MSRA: variants seen among roughly 807,000 people sequenced by gnomAD.
MSRA encodes the protein methionine sulfoxide reductase A.
In MSRA, 54 loss-of-function variants were observed where a neutral mutation model predicts 31.3. That is an observed-to-expected ratio of 1.73 (90% confidence interval 1.39 to 2.17). The LOEUF (loss-of-function observed/expected upper bound fraction) is 2.17. MSRA is among the 30% of genes most tolerant of loss of function. The pLI, the probability that MSRA is intolerant of heterozygous loss-of-function variation, is 0.00. For synonymous variants in MSRA, 169 were observed against 116.5 expected (o/e 1.45, Z -2.90); for missense variants, 507 against 300.9 (o/e 1.69, Z -5.07).
At chr8:10,287,184 G>A (rs1273278330) in intron 3 of MSRA, among the ~76,000 whole-genome samples, 1 of 152,138 alleles carries the variant, frequency 6.6e-6, no homozygotes, top group South Asian at 2.1e-4. Flanking sequence ...GCATCTATAC[G>A]AAGTCATTGG....
intron 3 of MSRA, among the ~76,000 whole-genome samples, chr8:10,283,818 TATATATATATATATATATACACACAC>T (rs1380998194): frequency 2.9e-5 from 2 of 67,818 alleles, no homozygotes; most frequent in African/African-American, 5.3e-5. Context: ...TATATATATA[TATATATATATATATATATACACACAC>T]ACACACACAC....
intron 1 of MSRA, among the ~76,000 whole-genome samples, chr8:10,118,511 A>C (rs936749): frequency 6.6e-6 from 1 of 151,666 alleles, no homozygotes; most frequent in African/African-American, 2.4e-5. Flanking sequence ...GGGGCTCTCT[A>C]TTTCCCCCAC....
At chr8:10,320,940 T>G (rs1271188189) in intron 5 of MSRA, among the ~76,000 whole-genome samples, 1 of 152,196 alleles carries the variant, frequency 6.6e-6, no homozygotes, top group African/African-American at 2.4e-5. Context: ...CTTAATTACC[T>G]CTGTAAAGAC....
intron 4 of MSRA, among the ~76,000 whole-genome samples, chr8:10,302,049 A>G (rs904659092): frequency 6.6e-6 from 1 of 152,198 alleles, no homozygotes; most frequent in Non-Finnish European, 1.5e-5. Context: ...TTTTGACGTT[A>G]TCAGGTTGGA....
At chr8:10,348,357 CTTTTTTTTTTTTTT>C (rs34083972) in intron 5 of MSRA, among the ~76,000 whole-genome samples, 5 of 64,242 alleles carry the variant, frequency 7.8e-5, no homozygotes, top group Admixed American at 5.1e-4. Flanking sequence ...AAATTATTGC[CTTTTTTTTTTTTTT>C]TTTTTTTTTT....
At chr8:10,131,969 A>G (rs1000070928) in intron 1 of MSRA, among the ~76,000 whole-genome samples, 3 of 152,242 alleles carry the variant, frequency 2.0e-5, no homozygotes, top group Non-Finnish European at 4.4e-5. Context: ...AATGATGTTT[A>G]TAAGCCTTTT....
chr8:10,207,280 C>G lies in MSRA; in HGVS notation c.143-553C>G, dbSNP rs7844551. Among the ~76,000 whole-genome samples the G allele has an allele frequency of 5.3e-5, 8 of 152,120 alleles. No homozygotes were observed. The South Asian group carries it at 6.2e-4, about 12-fold the overall frequency. ...AGCTGTAGGAGGCACTGGAATATCT[C>G]TCTGGCTCTTAAGGAGGCTGGTGTC... is the stretch of plus-strand genomic sequence containing the variant. On this transcript the variant is annotated intron_variant, in intron 1 of 5. Transcript: ENST00000317173.
intron 3 of MSRA, chr8:10,250,766 C>CCTG: frequency 2.8e-6 from 1 of 357,880 alleles, no homozygotes. Flanking sequence ...GTGTCCTGTC[C>CCTG]TGAGCCCGTT....
At chr8:10,243,085 GC>G (rs1017037370) in intron 2 of MSRA, among the ~76,000 whole-genome samples, 2 of 152,138 alleles carry the variant, frequency 1.3e-5, no homozygotes, top group African/African-American at 4.8e-5. Flanking sequence ...AAAACCTGGG[GC>G]TATTGGAGTG....
chr8:10,226,024 T>C (rs1810970176), intron 2 of MSRA, among the ~76,000 whole-genome samples: 1 of 152,186 alleles, frequency 6.6e-6, no homozygotes, highest in Non-Finnish European at 1.5e-5. Context: ...GGGGAAGAGC[T>C]CATGATGCTA....
chr8:10,268,690 G>C (rs1798872486), intron 3 of MSRA, among the ~76,000 whole-genome samples: 1 of 152,214 alleles, frequency 6.6e-6, no homozygotes, highest in African/African-American at 2.4e-5. Context: ...AGGGGAACGA[G>C]TTCTTTCCCC....
chr8:10,090,576 C>A (rs1798803471), intron 1 of MSRA, among the ~76,000 whole-genome samples: 1 of 152,174 alleles, frequency 6.6e-6, no homozygotes, highest in Non-Finnish European at 1.5e-5. Flanking sequence ...TTATTATGTA[C>A]AATCCAGTGG....
chr8:10,267,486 C>A lies in MSRA; in HGVS notation c.331+22263C>A, dbSNP rs1442294132. On this transcript the variant is annotated intron_variant, in intron 3 of 5. Coordinates refer to ENST00000317173, the MANE Select transcript of MSRA (RefSeq NM_012331.5). ...CCAGGAGTAGGAGTCCTTAGCACCA[C>A]TGCATTGACTGTGGTATATGGCTCA... Among the ~76,000 whole-genome samples, 3 of 152,120 alleles carry A rather than the reference C, an allele frequency of 2.0e-5. No homozygotes were observed. The East Asian group carries it at 5.8e-4, about 29-fold the overall frequency.
At chr8:10,136,244 A>G (rs920743933) in intron 1 of MSRA, among the ~76,000 whole-genome samples, 3 of 152,218 alleles carry the variant, frequency 2.0e-5, no homozygotes, top group Non-Finnish European at 4.4e-5. Context: ...GGAGCCAGGC[A>G]TTCAGCCACA....
At chr8:10,395,460 T>G (rs557989211) in intron 5 of MSRA, among the ~76,000 whole-genome samples, 2 of 152,260 alleles carry the variant, frequency 1.3e-5, no homozygotes, top group East Asian at 3.9e-4. Context: ...AAGAAACATT[T>G]AGCTGTATTT....
chr8:10,155,155 A>G (rs1384735895), intron 1 of MSRA, among the ~76,000 whole-genome samples: 1 of 152,140 alleles, frequency 6.6e-6, no homozygotes, highest in African/African-American at 2.4e-5. Flanking sequence ...AATGACGACA[A>G]TAAGGATAAA....
At chr8:10,366,886 C>A (rs1200245605) in intron 5 of MSRA, among the ~76,000 whole-genome samples, 1 of 152,134 alleles carries the variant, frequency 6.6e-6, no homozygotes, top group African/African-American at 2.4e-5. Flanking sequence ...GCTGTTGCCT[C>A]TGTGAAAGCC....
intron 3 of MSRA, among the ~76,000 whole-genome samples, chr8:10,264,259 A>G (rs1229163787): frequency 6.6e-6 from 1 of 152,166 alleles, no homozygotes; most frequent in Non-Finnish European, 1.5e-5. Context: ...CATTTCCAGT[A>G]GCTTATGAGA....
chr8:10,123,117 C>T (rs529217582), intron 1 of MSRA, among the ~76,000 whole-genome samples: 14 of 152,326 alleles, frequency 9.2e-5, no homozygotes, highest in African/African-American at 1.4e-4. Flanking sequence ...CACTGCTTTC[C>T]GCAATGGTCG....
Sources: allele counts gnomAD v4.1 joint callset (sites outside exome capture counted in the v4.1 genomes callset), GRCh38; gene constraint gnomAD v4.1.1; transcripts MANE v1.5; gene names NCBI Gene and HGNC (gene_info 2026-07-23, HGNC 2026-07-21).